DOCK8: variants seen among roughly 807,000 people sequenced by gnomAD.
The protein encoded by DOCK8 is dedicator of cytokinesis protein 8.
A neutral mutation model predicts 245.6 loss-of-function variants in DOCK8; 141 were observed. The ratio of observed to expected loss-of-function variants is 0.57; its 90% CI spans 0.50 to 0.66. DOCK8 has a LOEUF of 0.66. Among genes scored for constraint, DOCK8 ranks in the 30% least tolerant of loss-of-function variants. The pLI, the probability that DOCK8 is intolerant of heterozygous loss-of-function variation, is 0.00. For missense variants in DOCK8, 2,965 were observed against 2,603.4 expected (o/e 1.14, Z -3.02); for synonymous variants, 1,168 against 970.2 (o/e 1.20, Z -3.79).
In DOCK8 at chr9:439,364, G is replaced by A. The variant is rs1587052532; in HGVS notation, c.5199G>A (p.Glu1733=). 4 of 1,613,808 alleles carry A rather than the reference G, an allele frequency of 2.5e-6. No individual in the cohort carries two copies. The highest frequency in any genetic ancestry group is 3.4e-6 in the Non-Finnish European group (4 of 1,179,970). Residue 1733 remains glutamate (E), a synonymous_variant, in exon 40 of 48, where the codon GAG becomes GAA. Coordinates refer to ENST00000432829, the MANE Select transcript of DOCK8 (RefSeq NM_203447.4). ...AGAGTGGCCTGGTAGGCCTCCTGGA[G>A]CAGGCCGCGGAGCTCTTCAGCACGG... ...FTESGLVGLL[E]QAAELFSTGG...
chr9:435,608 C>A (rs2056873464), intron 39 of DOCK8, among the ~76,000 whole-genome samples: 1 of 152,174 alleles, frequency 6.6e-6, no homozygotes, highest in African/African-American at 2.4e-5. Flanking sequence ...GGCCCACTCT[C>A]CAATCCAAAA....
At chr9:403,928 ATG>A (rs1170294096) in intron 26 of DOCK8, among the ~76,000 whole-genome samples, 14 of 74,078 alleles carry the variant, frequency 1.9e-4, no homozygotes, top group African/African-American at 1.2e-3. Flanking sequence ...ATATATATAT[ATG>A]TGTATATATA....
chr9:265,823 G>T (rs1587689332), intron 1 of DOCK8, among the ~76,000 whole-genome samples: 1 of 152,106 alleles, frequency 6.6e-6, no homozygotes, highest in East Asian at 1.9e-4. Flanking sequence ...GTTAGAGCTG[G>T]AAAGATGCTC....
intron 14 of DOCK8, among the ~76,000 whole-genome samples, chr9:365,007 C>T (rs1049721234): frequency 6.6e-5 from 10 of 151,480 alleles, no homozygotes; most frequent in African/African-American, 1.9e-4. Flanking sequence ...ACAGAAGGCA[C>T]GAAGGAAGGA....
rs1355940649 is a variant in DOCK8 at position 418,130 on chromosome 9, A to G, written c.3763A>G (p.Ile1255Val). The G allele has an allele frequency of 5.6e-6, 9 of 1,614,140 alleles. No homozygotes were observed. The highest frequency in any genetic ancestry group is 4.5e-5 in the East Asian group (2 of 44,906). Reference sequence around the variant, plus strand: ...TGAAGAACAAGAAGGAGCCGGTGCCATTAACCAGAATGTGGCTCTGGCCAT... The same window carrying G: ...TGAAGAACAAGAAGGAGCCGGTGCCGTTAACCAGAATGTGGCTCTGGCCAT... ...SDEEQEGAGA[I>V]NQNVALAIAG... is the part of the protein sequence containing the mutation. Residue 1255 changes from isoleucine (I) to valine (V), a missense_variant, in exon 30 of 48, where the codon ATT becomes GTT. Physicochemically the swap from Ile to Val is conservative, Grantham distance 29. Around this residue, in one of 3 missense-constraint regions of DOCK8, gnomAD observed 2,825 missense variants for 2,453.5 expected, o/e 1.15. Transcript: ENST00000432829.
chr9:222,126 G>A (rs1461366292), intron 1 of DOCK8, among the ~76,000 whole-genome samples: 2 of 151,888 alleles, frequency 1.3e-5, no homozygotes, highest in Non-Finnish European at 2.9e-5. Flanking sequence ...AGGCAGACAG[G>A]GTGGTGCATG....
intron 14 of DOCK8, among the ~76,000 whole-genome samples, chr9:355,855 A>G (rs1256761251): frequency 6.6e-6 from 1 of 152,234 alleles, no homozygotes; most frequent in African/African-American, 2.4e-5. Flanking sequence ...TCAAATGTAC[A>G]GAGTACTGAG....
At chr9:217,119 G>C (rs924715219) in intron 1 of DOCK8, among the ~76,000 whole-genome samples, 2 of 152,176 alleles carry the variant, frequency 1.3e-5, no homozygotes, top group Non-Finnish European at 2.9e-5. Flanking sequence ...TTTAGAGACA[G>C]TACAGAAAAA....
At chr9:390,628 G>C in intron 24 of DOCK8, 62 bp downstream of exon 24, 1 of 1,537,120 alleles carries the variant, frequency 6.5e-7, no homozygotes, top group African/African-American at 1.4e-5. Flanking sequence ...CAGCAGAAAG[G>C]AATTGACATT....
intron 1 of DOCK8, among the ~76,000 whole-genome samples, chr9:244,564 G>A (rs2047460826): frequency 6.6e-6 from 1 of 152,066 alleles, no homozygotes; most frequent in Non-Finnish European, 1.5e-5. Context: ...CTGGTGTTCT[G>A]TAAACTTCAA....
intron 1 of DOCK8, among the ~76,000 whole-genome samples, chr9:268,688 G>A (rs1314947884): frequency 6.6e-6 from 1 of 152,162 alleles, no homozygotes; most frequent in Non-Finnish European, 1.5e-5. Flanking sequence ...CACAGCAGTC[G>A]CAGGAGAAGT....
intron 14 of DOCK8, among the ~76,000 whole-genome samples, chr9:346,838 T>C (rs982179380): frequency 8.8e-5 from 13 of 148,320 alleles, no homozygotes; most frequent in Non-Finnish European, 1.5e-5. Context: ...CTGCGAGTTA[T>C]GATTTAGTGA....
rs144130312 is a variant in DOCK8 at position 376,212 on chromosome 9, A to G, written c.2112A>G (p.Lys704=). The G allele has an allele frequency of 1.9e-5, 31 of 1,605,376 alleles. 1 individual carries two copies. In the African/African-American group the frequency reaches 3.9e-4, roughly 20 times the overall value. ...TTTTTTTTTTCTCTTTAACACAGAAAGTCCCATTACAGAATCCTCCCATTA... is the reference window on the plus strand; with the variant it reads ...TTTTTTTTTTCTCTTTAACACAGAAGGTCCCATTACAGAATCCTCCCATTA... ...PPNYSMHSAE[K]VPLQNPPIKW... is the part of the protein sequence containing the mutation. The change falls in exon 19 of 48, where the codon AAA becomes AAG. Residue 704 remains lysine (K), a splice_region_variant and synonymous_variant. Transcript: ENST00000432829.
At chr9:284,840 A>T (rs894666754) in intron 2 of DOCK8, among the ~76,000 whole-genome samples, 1 of 152,178 alleles carries the variant, frequency 6.6e-6, no homozygotes, top group African/African-American at 2.4e-5. Context: ...CTAACGCAGA[A>T]ATAGAAAACC....
At chr9:212,673 G>C (rs2046638854), upstream of DOCK8, among the ~76,000 whole-genome samples, 1 of 152,206 alleles carries the variant, frequency 6.6e-6, no homozygotes, top group South Asian at 2.1e-4. Context: ...GAAATTGACA[G>C]CACAGAGGAT....
intron 3 of DOCK8, among the ~76,000 whole-genome samples, chr9:288,382 C>G (rs930166796): frequency 6.6e-6 from 1 of 152,158 alleles, no homozygotes; most frequent in East Asian, 1.9e-4. Flanking sequence ...GGTCCCTGCT[C>G]CACCACTTGC....
In DOCK8 at chr9:422,048, G is replaced by A; in HGVS notation, c.4154G>A (p.Gly1385Glu). Residue 1385 changes from glycine (G) to glutamate (E), a missense_variant and splice_region_variant, in exon 33 of 48, where the codon GGG becomes GAG. Gly to Glu is a moderately conservative substitution (Grantham distance 98). Transcript: ENST00000432829. ...RGEMMRRRAP[G>E]NDRFPGLNEN... ...CTATCATGCATTTCTTAACTCCTAG[G>A]GAACGACCGATTTCCAGGCCTAAAT... 3 of 1,613,754 alleles carry A rather than the reference G, an allele frequency of 1.9e-6. No homozygotes were observed. Among genetic ancestry groups the A allele is most frequent in the Non-Finnish European group, 2.5e-6 (3 of 1,179,760 alleles).
intron 18 of DOCK8, among the ~76,000 whole-genome samples, chr9:375,406 A>C (rs1370967805): frequency 6.6e-6 from 1 of 152,220 alleles, no homozygotes; most frequent in Non-Finnish European, 1.5e-5. Context: ...GCAGGAGCCG[A>C]CCTGGCCTAG....
At chr9:328,941 C>CTTTTT (rs1165346763) in intron 9 of DOCK8, among the ~76,000 whole-genome samples, 4 of 71,348 alleles carry the variant, frequency 5.6e-5, no homozygotes, top group African/African-American at 1.1e-4. Context: ...CTTATTGATT[C>CTTTTT]TTTTTTTTTT....
Sources: gnomAD v4.1 joint callset for allele counts (sites outside exome capture counted in the v4.1 genomes callset) on GRCh38, gnomAD v4.1.1 for gene constraint, gnomAD v4.1.1 regional missense constraint, MANE v1.5 for transcripts, NCBI Gene and HGNC (gene_info 2026-07-23, HGNC 2026-07-21) for gene names.